The following TCF4 variants were observed in gnomAD, a reference collection of about 807,000 sequenced individuals.
TCF4 encodes the protein SL3-3 enhancer factor 2.
TCF4 carries 3 observed loss-of-function variants against 82.1 expected under a neutral mutation model. The observed-to-expected ratio is 0.04, with a 90% CI of 0.02 to 0.09. The LOEUF (loss-of-function observed/expected upper bound fraction) is 0.09. Among genes scored for constraint, TCF4 ranks in the 10% least tolerant of loss-of-function variants. The pLI, the probability that TCF4 is intolerant of heterozygous loss-of-function variation, is 1.00. For synonymous variants in TCF4, 276 were observed against 309.6 expected, an observed-to-expected ratio of 0.89 and a Z score of 1.14; for missense variants, 518 against 852.7, an observed-to-expected ratio of 0.61 and a Z score of 4.89.
chr18:55,394,404 A>G (rs984562981), intron 6 of TCF4, among the ~76,000 whole-genome samples: 1 of 152,216 alleles, frequency 6.6e-6, no homozygotes, highest in African/African-American at 2.4e-5. Flanking sequence ...TAGCTTGAAA[A>G]TAACATATAT....
chr18:55,585,741 C>T, intron 2 of TCF4: 1 of 1,091,156 alleles, frequency 9.2e-7, no homozygotes, highest in Non-Finnish European at 1.1e-6. Context: ...ATAAACGTGG[C>T]AATGTCCATT....
chr18:55,456,351 G>A (rs992522014), intron 5 of TCF4, among the ~76,000 whole-genome samples: 5 of 152,188 alleles, frequency 3.3e-5, no homozygotes, highest in African/African-American at 1.2e-4. Flanking sequence ...TGCTCTGGGA[G>A]AGTACCATGA....
chr18:55,379,603 A>T (rs2091524809), intron 6 of TCF4, among the ~76,000 whole-genome samples: 1 of 152,202 alleles, frequency 6.6e-6, no homozygotes, highest in African/African-American at 2.4e-5. Flanking sequence ...CCCCAGGAAC[A>T]ACGAACATTT....
chr18:55,397,869 T>C (rs1183454725), intron 6 of TCF4, among the ~76,000 whole-genome samples: 1 of 152,204 alleles, frequency 6.6e-6, no homozygotes, highest in East Asian at 1.9e-4. Context: ...ATACATATTA[T>C]ACATACACAC....
In TCF4 at chr18:55,271,621, T is replaced by A. The variant is rs572080707; in HGVS notation, c.790-1658A>T. Among the ~76,000 whole-genome samples, 10 of 152,274 alleles carry A rather than the reference T, an allele frequency of 6.6e-5. No individual in the cohort carries two copies. In the South Asian group the frequency reaches 2.1e-3, roughly 32 times the overall value. On this transcript the variant is annotated intron_variant, in intron 10 of 19. Coordinates refer to ENST00000354452, the MANE Select transcript of TCF4 (RefSeq NM_001083962.2). ...TTAAATCTTTCCAAGTTCCTGAGAA[T>A]GCCTTTCAAATTTTTAAATTCCATG...
At chr18:55,429,780 A>G (rs868643889) in intron 5 of TCF4, among the ~76,000 whole-genome samples, 2 of 150,716 alleles carry the variant, frequency 1.3e-5, no homozygotes, top group African/African-American at 4.9e-5. Flanking sequence ...AAAAAAAAAA[A>G]AAAAAAAAAC....
chr18:55,292,933 T>TAA (rs1395158942), intron 8 of TCF4, among the ~76,000 whole-genome samples: 10 of 152,222 alleles, frequency 6.6e-5, no homozygotes, highest in African/African-American at 2.2e-4. Context: ...TGTGTGTATA[T>TAA]AACATTAAAA....
chr18:55,329,167 G>C (rs535681492), intron 8 of TCF4, among the ~76,000 whole-genome samples: 1 of 152,310 alleles, frequency 6.6e-6, no homozygotes, highest in Admixed American at 6.5e-5. Context: ...TTTCAAGTTC[G>C]TGTTTAGCAG....
intron 3 of TCF4, among the ~76,000 whole-genome samples, chr18:55,523,651 T>C (rs1027202700): frequency 1.3e-5 from 2 of 152,050 alleles, no homozygotes; most frequent in African/African-American, 4.8e-5. Flanking sequence ...TGTTCTGCAA[T>C]ACATAGTATC....
At chr18:55,356,286 T>TA (rs1290898524) in intron 6 of TCF4, among the ~76,000 whole-genome samples, 2 of 152,152 alleles carry the variant, frequency 1.3e-5, no homozygotes, top group Non-Finnish European at 2.9e-5. Flanking sequence ...AAAGTTACTA[T>TA]AAAAAGTTAA....
At position 55,610,066 on chromosome 18, in the gene TCF4, G is replaced by C. The variant is rs553773826; in HGVS notation, c.286+21232C>G. The stretch of plus-strand genomic sequence containing the variant: ...CTGTTTCTTCACCTAGTAGCACCTA[G>C]ACCTGTGCCTAGCCTGTAACAGGCA... On this transcript the variant is annotated intron_variant, in intron 2 of 20. Coordinates refer to the TCF4 transcript ENST00000398339. Among the ~76,000 whole-genome samples the C allele has an allele frequency of 2.0e-5, 3 of 152,012 alleles. No homozygotes were observed. In the South Asian group the frequency reaches 6.2e-4, roughly 31 times the overall value.
intron 8 of TCF4, chr18:55,332,439 T>C (rs1200428328): frequency 1.3e-5 from 2 of 152,226 alleles, no homozygotes; most frequent in Non-Finnish European, 2.9e-5. Context: ...CTGTATATCA[T>C]ATATTACACT....
chr18:55,509,181 C>T (rs1016850441), intron 3 of TCF4, among the ~76,000 whole-genome samples: 7 of 152,026 alleles, frequency 4.6e-5, no homozygotes, highest in South Asian at 2.1e-4. Flanking sequence ...CCAAGTCTTG[C>T]GGACTTCGTA....
intron 3 of TCF4, among the ~76,000 whole-genome samples, chr18:55,533,169 C>A (rs1000531150): frequency 6.6e-6 from 1 of 152,086 alleles, no homozygotes; most frequent in African/African-American, 2.4e-5. Context: ...AAGAAACACC[C>A]CTGATTAAAG....
At chr18:55,614,694 A>C (rs1452489931) in intron 2 of TCF4, among the ~76,000 whole-genome samples, 1 of 152,188 alleles carries the variant, frequency 6.6e-6, no homozygotes, top group African/African-American at 2.4e-5. Context: ...AGTATTTTCT[A>C]GCAGTCTGTG....
chr18:55,338,485 C>G (rs1569076866), intron 8 of TCF4, among the ~76,000 whole-genome samples: 1 of 152,174 alleles, frequency 6.6e-6, no homozygotes, highest in Non-Finnish European at 1.5e-5. Flanking sequence ...AATATTAACT[C>G]AGATTCTATT....
At chr18:55,553,835 T>C (rs1257017599) in intron 3 of TCF4, among the ~76,000 whole-genome samples, 1 of 152,172 alleles carries the variant, frequency 6.6e-6, no homozygotes, top group Non-Finnish European at 1.5e-5. Flanking sequence ...CCCTAGATAG[T>C]ATCAAGACCA....
intron 3 of TCF4, among the ~76,000 whole-genome samples, chr18:55,499,371 T>A (rs567016955): frequency 6.6e-6 from 1 of 152,314 alleles, no homozygotes; most frequent in South Asian, 2.1e-4. Flanking sequence ...AGGGTACCAA[T>A]AAATGTGAAA....
At chr18:55,477,142 A>T (rs139701150) in intron 3 of TCF4, among the ~76,000 whole-genome samples, 1 of 152,322 alleles carries the variant, frequency 6.6e-6, no homozygotes, top group African/African-American at 2.4e-5. Flanking sequence ...ACAATTTTTA[A>T]TTATGCTTTC....
Sources: gnomAD v4.1 joint callset for allele counts (sites outside exome capture counted in the v4.1 genomes callset) on GRCh38, gnomAD v4.1.1 for gene constraint, MANE v1.5 for transcripts, NCBI Gene and HGNC (gene_info 2026-07-23, HGNC 2026-07-21) for gene names.